DAB1: variants seen among roughly 807,000 people sequenced by gnomAD.
DAB1 encodes the protein disabled homolog 1.
A neutral mutation model predicts 64.6 loss-of-function variants in DAB1; 15 were observed. The observed-to-expected ratio is 0.23, with a 90% confidence interval of 0.16 to 0.36. DAB1 has a LOEUF of 0.36. Ranked by LOEUF, DAB1 falls within the 10% of genes least tolerant of loss-of-function variation. DAB1 has a pLI of 1.00. For missense variants in DAB1, 596 were observed against 706.7 expected (o/e 0.84, Z 1.78); for synonymous variants, 235 against 251.9 (o/e 0.93, Z 0.64).
intron 4 of DAB1, among the ~76,000 whole-genome samples, chr1:58,316,177 T>C (rs1381708990): frequency 6.6e-6 from 1 of 152,174 alleles, no homozygotes; most frequent in Non-Finnish European, 1.5e-5. Context: ...ACTCAATACA[T>C]GGTTGCAGTT....
At chr1:57,583,765 C>G (rs2101556390) in intron 7 of DAB1, among the ~76,000 whole-genome samples, 1 of 152,312 alleles carries the variant, frequency 6.6e-6, no homozygotes, top group East Asian at 1.9e-4. Flanking sequence ...ATGAGCCTCA[C>G]ATGGGATAGT....
At chr1:58,032,535 A>C (rs1402232431) in intron 5 of DAB1, among the ~76,000 whole-genome samples, 5 of 152,098 alleles carry the variant, frequency 3.3e-5, no homozygotes, top group Non-Finnish European at 7.3e-5. Flanking sequence ...TGCCATGTTG[A>C]GTGTTTGGTA....
chr1:58,079,645 C>T (rs961554866), intron 5 of DAB1, among the ~76,000 whole-genome samples: 3 of 151,232 alleles, frequency 2.0e-5, no homozygotes, highest in South Asian at 2.1e-4. Context: ...CTCAGCCTCC[C>T]GAGTAGCTGG....
At chr1:57,310,156 A>G (rs1284714222) in intron 1 of DAB1, among the ~76,000 whole-genome samples, 1 of 152,200 alleles carries the variant, frequency 6.6e-6, no homozygotes. Flanking sequence ...TGTGTCAGGT[A>G]TTGGTAAGTG....
intron 3 of DAB1, among the ~76,000 whole-genome samples, chr1:58,419,193 C>T (rs140737137): frequency 2.4e-4 from 36 of 152,284 alleles, no homozygotes; most frequent in Admixed American, 1.2e-3. Context: ...CCTCCAACCT[C>T]CCCATGAGTT....
At chr1:58,354,256 G>A (rs916172883) in intron 3 of DAB1, among the ~76,000 whole-genome samples, 3 of 152,048 alleles carry the variant, frequency 2.0e-5, no homozygotes, top group Non-Finnish European at 4.4e-5. Flanking sequence ...AGAAAGGATG[G>A]TCAGACCTAT....
intron 4 of DAB1, among the ~76,000 whole-genome samples, chr1:57,095,625 T>C (rs1036068217): frequency 1.3e-5 from 2 of 152,176 alleles, no homozygotes; most frequent in African/African-American, 4.8e-5. Flanking sequence ...GCACTCAACA[T>C]ATTTTATTAC....
intron 5 of DAB1, among the ~76,000 whole-genome samples, chr1:57,974,851 C>T (rs1405915676): frequency 6.6e-6 from 1 of 151,872 alleles, no homozygotes; most frequent in Non-Finnish European, 1.5e-5. Flanking sequence ...TATAGTAATC[C>T]ATATATATAG....
chr1:58,088,122 A>C (rs1224240932), intron 5 of DAB1, among the ~76,000 whole-genome samples: 1 of 152,262 alleles, frequency 6.6e-6, no homozygotes, highest in Admixed American at 6.5e-5. Flanking sequence ...GGTTCTGCCC[A>C]CACTTAAACC....
At chr1:57,113,116 T>C (rs977844174) in intron 4 of DAB1, among the ~76,000 whole-genome samples, 21 of 152,330 alleles carry the variant, frequency 1.4e-4, no homozygotes, top group South Asian at 4.1e-4. Flanking sequence ...CCACAGGCTC[T>C]GAGAATGGCC....
chr1:57,008,279 T>C (rs1183571060), intron 14 of DAB1, among the ~76,000 whole-genome samples: 2 of 152,210 alleles, frequency 1.3e-5, no homozygotes, highest in Non-Finnish European at 2.9e-5. Flanking sequence ...CCAAAGCTGT[T>C]GTGACACATA....
intron 2 of DAB1, among the ~76,000 whole-genome samples, chr1:57,238,047 A>C (rs1668222134): frequency 6.6e-6 from 1 of 152,146 alleles, no homozygotes; most frequent in Non-Finnish European, 1.5e-5. Flanking sequence ...TACTGGGTGG[A>C]GGTTAGCCTT....
chr1:57,302,389 C>A lies in DAB1; in HGVS notation c.-136-11223G>T, dbSNP rs528506516. Among the ~76,000 whole-genome samples, 11 of 152,308 alleles carry A rather than the reference C, an allele frequency of 7.2e-5. 1 individual carries two copies. The South Asian group carries it at 1.2e-3, about 17-fold the overall frequency. On this transcript the variant is annotated intron_variant, in intron 1 of 14. Transcript: ENST00000371236. ...AAAGCCTCCTCACTGTTTCACCCAG[C>A]AAACCACTACAAACTCAAACTCCCC...
intron 1 of DAB1, among the ~76,000 whole-genome samples, chr1:57,366,413 G>A (rs1471029346): frequency 6.6e-6 from 1 of 152,174 alleles, no homozygotes; most frequent in Non-Finnish European, 1.5e-5. Flanking sequence ...CAATTTGTAA[G>A]TTGAGAGTCA....
intron 3 of DAB1, among the ~76,000 whole-genome samples, chr1:58,466,459 T>C (rs930191686): frequency 2.0e-5 from 3 of 151,694 alleles, no homozygotes; most frequent in African/African-American, 4.8e-5. Flanking sequence ...ACAGATGGGG[T>C]GGGTAGGTCT....
At chr1:57,957,137 A>C (rs1171706300) in intron 5 of DAB1, among the ~76,000 whole-genome samples, 1 of 152,186 alleles carries the variant, frequency 6.6e-6, no homozygotes, top group African/African-American at 2.4e-5. Context: ...GTTCAGGAAA[A>C]TGTGTGAAGA....
intron 5 of DAB1, among the ~76,000 whole-genome samples, chr1:57,954,726 C>T (rs1645352408): frequency 6.6e-6 from 1 of 152,210 alleles, no homozygotes; most frequent in Non-Finnish European, 1.5e-5. Context: ...ATTAGTCTGA[C>T]TCCAACTGAC....
chr1:57,515,220 A>G (rs553022309), intron 7 of DAB1, among the ~76,000 whole-genome samples: 1 of 152,378 alleles, frequency 6.6e-6, no homozygotes, highest in African/African-American at 2.4e-5. Flanking sequence ...CAAGCCCTGT[A>G]GCAATATGTG....
chr1:57,432,416 TAGAATTTAG>T (rs1318326128), intron 7 of DAB1, among the ~76,000 whole-genome samples: 7 of 152,060 alleles, frequency 4.6e-5, no homozygotes, highest in Admixed American at 6.6e-5. Context: ...ACTTCTTAAC[TAGAATTTAG>T]AGATGGTTAG....
Sources: allele counts gnomAD v4.1 joint callset (sites outside exome capture counted in the v4.1 genomes callset), GRCh38; gene constraint gnomAD v4.1.1; transcripts MANE v1.5; gene names NCBI Gene and HGNC (gene_info 2026-07-23, HGNC 2026-07-21).